The following DPY19L4 variants were observed in gnomAD, a reference collection of about 807,000 sequenced individuals.
The protein encoded by DPY19L4 is dpy-19 like 4.
DPY19L4 carries 97 observed loss-of-function variants against 102.8 expected under a neutral mutation model. That is an observed-to-expected ratio of 0.94 (90% CI 0.80 to 1.12). The LOEUF is 1.12. Among genes scored for constraint, DPY19L4 ranks in the 50% most tolerant of loss-of-function variants. DPY19L4 has a pLI of 0.00. For synonymous variants in DPY19L4, 252 were observed against 283.1 expected (o/e 0.89, Z 1.10); for missense variants, 815 against 850.4 (o/e 0.96, Z 0.52).
intron 14 of DPY19L4, among the ~76,000 whole-genome samples, chr8:94,779,215 A>G (rs1486386790): frequency 1.6e-5 from 1 of 60,728 alleles, no homozygotes; most frequent in Non-Finnish European, 4.4e-5. Context: ...TCTGTTTTAT[A>G]GATTAAAAAA....
chr8:94,749,660 A>T (rs1811833718), intron 6 of DPY19L4, among the ~76,000 whole-genome samples: 2 of 152,338 alleles, frequency 1.3e-5, no homozygotes, highest in South Asian at 4.1e-4. Context: ...AATGGCATGC[A>T]TCCTAATTTG....
chr8:94,751,023 T>C (rs1410323798), intron 6 of DPY19L4, among the ~76,000 whole-genome samples: 1 of 152,014 alleles, frequency 6.6e-6, no homozygotes, highest in Non-Finnish European at 1.5e-5. Context: ...TCAAGTGATC[T>C]GCCTGCCTCA....
At chr8:94,721,240 C>T (rs113551357) in intron 1 of DPY19L4, among the ~76,000 whole-genome samples, 167 of 152,296 alleles carry the variant, frequency 1.1e-3, no homozygotes, top group African/African-American at 3.4e-3. Flanking sequence ...GCCACGGGTC[C>T]AGCCGACTCA....
chr8:94,743,401 G>A (rs918370909), intron 6 of DPY19L4, among the ~76,000 whole-genome samples: 1 of 151,992 alleles, frequency 6.6e-6, no homozygotes, highest in African/African-American at 2.4e-5. Context: ...ACTTTGGGAG[G>A]CCCAGGTAGG....
intron 8 of DPY19L4, among the ~76,000 whole-genome samples, chr8:94,764,500 C>T (rs865821184): frequency 6.8e-5 from 10 of 146,188 alleles, no homozygotes; most frequent in South Asian, 2.1e-4. Flanking sequence ...GGCGTGAACC[C>T]GGGAGGCAGA....
chr8:94,770,507 C>A lies in DPY19L4; in HGVS notation c.1390C>A (p.Pro464Thr). Residue 464 changes from proline to threonine, a missense_variant, in exon 13 of 19, where the codon CCA becomes ACA. Pro to Thr is a conservative substitution (Grantham distance 38, BLOSUM62 -1). Coordinates refer to ENST00000414645, the MANE Select transcript of DPY19L4 (RefSeq NM_181787.3). ...TLEDGRIGER[P>T]EIIYHVIHTI... The stretch of plus-strand genomic sequence containing the variant: ...TGAAGATGGACGAATTGGAGAAAGA[C>A]CAGAAATAATTTATCATGTAATTCA... 6.2e-7 allele frequency: 1 copy of A among 1,613,652 alleles called. No individual in the cohort carries two copies.
Position 94,768,511 on chromosome 8 carries a change from T to G in DPY19L4, c.1292T>G (p.Ile431Ser). Reference sequence around the variant, plus strand: ...CCTTTCTACATTCTAGTGTTAATTATTTGTTTTCTTTCTATGTTGCAAGTT... The same window carrying G: ...CCTTTCTACATTCTAGTGTTAATTAGTTGTTTTCTTTCTATGTTGCAAGTT... ...LLPFYILVLI[I>S]CFLSMLQVIF... Residue 431 changes from isoleucine (I) to serine (S), a missense_variant, in exon 12 of 19, where the codon ATT becomes AGT. Transcript: ENST00000414645. 1 of 1,572,970 alleles carries G rather than the reference T, an allele frequency of 6.4e-7. No homozygotes were observed.
At chr8:94,730,975 C>A (rs1477858822) in intron 2 of DPY19L4, among the ~76,000 whole-genome samples, 3 of 149,094 alleles carry the variant, frequency 2.0e-5, no homozygotes, top group Admixed American at 6.7e-5. Context: ...AAACTCCCGA[C>A]CTCAGGTGAT....
chr8:94,733,118 C>CTTTTTTTTTTTT (rs34879619), intron 2 of DPY19L4, among the ~76,000 whole-genome samples: 1 of 76,328 alleles, frequency 1.3e-5, no homozygotes. Flanking sequence ...TCATCTTAAC[C>CTTTTTTTTTTTT]TTTTTTTTTT....
At chr8:94,785,089 T>C (rs1813599667) in intron 17 of DPY19L4, among the ~76,000 whole-genome samples, 1 of 152,192 alleles carries the variant, frequency 6.6e-6, no homozygotes. Context: ...GACTCAGAAA[T>C]TTGAGTACCT....
At chr8:94,761,606 G>A (rs1005673907) in intron 7 of DPY19L4, 94 bp from the exon 8 acceptor site, 18 of 1,109,016 alleles carry the variant, frequency 1.6e-5, no homozygotes, top group East Asian at 2.8e-5. Context: ...AAAGTTGAAC[G>A]AGTAACAGAG....
chr8:94,777,426 T>G (rs7017149), intron 13 of DPY19L4, among the ~76,000 whole-genome samples: 26,482 of 152,170 alleles, frequency 0.17, 2,779 homozygotes, highest in African/African-American at 0.29. Context: ...AATACAATTT[T>G]CCTGCATCCT....
At chr8:94,785,527 A>T (rs1813616761) in intron 17 of DPY19L4, among the ~76,000 whole-genome samples, 1 of 152,248 alleles carries the variant, frequency 6.6e-6, no homozygotes, top group Non-Finnish European at 1.5e-5. Context: ...AGGAAAGAAA[A>T]TGAGGCAGAA....
intron 1 of DPY19L4, chr8:94,720,364 T>C: frequency 5.7e-6 from 4 of 699,524 alleles, no homozygotes; most frequent in Non-Finnish European, 7.0e-6. Flanking sequence ...AGATCAGGTT[T>C]AGGTACTCAG....
At chr8:94,771,300 T>G (rs1279227923) in intron 13 of DPY19L4, among the ~76,000 whole-genome samples, 1 of 152,212 alleles carries the variant, frequency 6.6e-6, no homozygotes, top group Non-Finnish European at 1.5e-5. Context: ...CTATAAACTT[T>G]CTTAATTTAT....
chr8:94,738,714 A>T (rs750551453), intron 4 of DPY19L4, among the ~76,000 whole-genome samples: 43 of 151,750 alleles, frequency 2.8e-4, no homozygotes, highest in Non-Finnish European at 2.2e-4. Context: ...GGGTTTCACC[A>T]TGTTGGCCAG....
chr8:94,763,681 G>A (rs933146475), intron 8 of DPY19L4, among the ~76,000 whole-genome samples: 15 of 150,998 alleles, frequency 9.9e-5, no homozygotes, highest in Admixed American at 3.3e-4. Context: ...CCACCACACC[G>A]GGCTCATTTT....
At chr8:94,760,552 C>T (rs1225339059) in intron 7 of DPY19L4, among the ~76,000 whole-genome samples, 2 of 152,208 alleles carry the variant, frequency 1.3e-5, no homozygotes, top group Non-Finnish European at 2.9e-5. Flanking sequence ...ATTATTTTAT[C>T]TGCTGATGGC....
Position 94,769,888 on chromosome 8 carries a change from CTT to C in DPY19L4, c.1335-548_1335-547del, listed in dbSNP as rs368515503. ...ACCTACAAATCTTTATTATTCTTTT[CTT>C]TTTTTTTTTTTTTTTGAGACAGAGT... On this transcript the variant is annotated intron_variant, in intron 12 of 18. Transcript: ENST00000414645. Among the ~76,000 whole-genome samples, 273 of 131,170 alleles carry C rather than the reference CTT, an allele frequency of 2.1e-3. 1 individual carries two copies. The highest frequency in any genetic ancestry group is 6.7e-3 in the African/African-American group (237 of 35,400). The allele number at this position is 131,170 out of a possible 152,430, so 86.1% of individuals were successfully genotyped here. A position where few individuals can be genotyped will look rare whatever the true frequency, so the allele number is the denominator to read the frequency against.
Sources: allele counts gnomAD v4.1 joint callset (sites outside exome capture counted in the v4.1 genomes callset), GRCh38; gene constraint gnomAD v4.1.1; transcripts MANE v1.5; gene names NCBI Gene and HGNC (gene_info 2026-07-23, HGNC 2026-07-21).